The following ILKAP variants were observed in gnomAD, a reference collection of about 807,000 sequenced individuals.
The protein encoded by ILKAP is integrin-linked kinase-associated serine/threonine phosphatase 2C.
Under a neutral mutation model 49.1 loss-of-function variants are expected in ILKAP, and 11 were observed. The observed-to-expected ratio is 0.22, with a 90% CI of 0.14 to 0.37. The LOEUF (loss-of-function observed/expected upper bound fraction) is 0.37. Ranked by LOEUF, ILKAP falls within the 10% of genes least tolerant of loss-of-function variation. The probability of loss-of-function intolerance (pLI) is 1.00; values close to 1 mark genes in which losing one functional copy is unlikely to be tolerated. For synonymous variants in ILKAP, 186 were observed against 192.8 expected, an observed-to-expected ratio of 0.96 and a Z score of 0.29; for missense variants, 363 against 510.8, an observed-to-expected ratio of 0.71 and a Z score of 2.79.
At chr2:238,201,363 C>T (rs953597921) in intron 1 of ILKAP, among the ~76,000 whole-genome samples, 11 of 152,200 alleles carry the variant, frequency 7.2e-5, no homozygotes, top group African/African-American at 2.7e-4. Flanking sequence ...CAATCATCTA[C>T]AAATTCTGAG....
intron 7 of ILKAP, 59 bp downstream of exon 7, chr2:238,183,961 T>C (rs1693798584): frequency 8.8e-7 from 1 of 1,138,758 alleles, no homozygotes; most frequent in African/African-American, 1.5e-5. Flanking sequence ...AAGACTGAAA[T>C]GCATTTAGGA....
chr2:238,185,631 A>G (rs1693874123), intron 5 of ILKAP: 1 of 198,558 alleles, frequency 5.0e-6, no homozygotes, highest in African/African-American at 2.4e-5. Flanking sequence ...GTGAAACCCC[A>G]TCTCTACTAA....
chr2:238,196,479 A>G (rs1310448804), intron 1 of ILKAP, among the ~76,000 whole-genome samples: 1 of 152,138 alleles, frequency 6.6e-6, no homozygotes, highest in East Asian at 1.9e-4. Flanking sequence ...CACCCGCCTC[A>G]GCCTCCCAAA....
chr2:238,174,327 T>C (rs1346214030), intron 9 of ILKAP, among the ~76,000 whole-genome samples: 3 of 152,238 alleles, frequency 2.0e-5, no homozygotes, highest in Non-Finnish European at 2.9e-5. Context: ...GAAAAACCAT[T>C]TGGGGAAGCC....
intron 1 of ILKAP, among the ~76,000 whole-genome samples, chr2:238,202,201 AGAGT>A (rs1162783841): frequency 6.6e-6 from 1 of 152,218 alleles, no homozygotes; most frequent in Non-Finnish European, 1.5e-5. Context: ...CTGGGCGACA[AGAGT>A]GAGACTCCGT....
chr2:238,195,128 T>G (rs896224978), intron 1 of ILKAP, among the ~76,000 whole-genome samples: 1 of 152,218 alleles, frequency 6.6e-6, no homozygotes, highest in Non-Finnish European at 1.5e-5. Context: ...ACTGAATATT[T>G]TGAGGAAAAC....
At chr2:238,191,789 C>CAGCT (rs1200968554) in intron 3 of ILKAP, among the ~76,000 whole-genome samples, 1 of 151,944 alleles carries the variant, frequency 6.6e-6, no homozygotes, top group Non-Finnish European at 1.5e-5. Context: ...CCTGTAATCC[C>CAGCT]AGCTACTCGG....
intron 9 of ILKAP, among the ~76,000 whole-genome samples, chr2:238,177,746 C>T (rs191950024): frequency 2.9e-4 from 44 of 152,300 alleles, no homozygotes; most frequent in Non-Finnish European, 3.4e-4. Context: ...GTTGCTTCCC[C>T]CTTTTCCCCA....
intron 10 of ILKAP, 81 bp downstream of exon 10, chr2:238,173,453 A>G: frequency 6.4e-7 from 1 of 1,558,934 alleles, no homozygotes; most frequent in Non-Finnish European, 8.7e-7. Flanking sequence ...CCCTCCAACA[A>G]AGGCTTGATA....
chr2:238,194,393 TC>T, intron 2 of ILKAP, 62 bp from the exon 3 acceptor site: 2 of 1,512,858 alleles, frequency 1.3e-6, no homozygotes, highest in Admixed American at 3.4e-5. Flanking sequence ...AGTTTCAGAA[TC>T]CATCCCACCA....
intron 9 of ILKAP, among the ~76,000 whole-genome samples, chr2:238,176,480 T>C (rs1693462887): frequency 6.6e-6 from 1 of 152,200 alleles, no homozygotes; most frequent in African/African-American, 2.4e-5. Flanking sequence ...TGCCTGTCCC[T>C]TGGTACCAGC....
chr2:238,180,261 A>G (rs1271292544), intron 9 of ILKAP, among the ~76,000 whole-genome samples: 1 of 152,256 alleles, frequency 6.6e-6, no homozygotes, highest in Non-Finnish European at 1.5e-5. Flanking sequence ...TTTGAAACAA[A>G]GATACTTTGG....
Position 238,182,124 on chromosome 2 carries a change from C to T in ILKAP, c.777G>A (p.Glu259=). 2 of 1,613,918 alleles carry T rather than the reference C, an allele frequency of 1.2e-6. No homozygotes were observed. The change falls in exon 9 of 12, where the codon GAG becomes GAA. Residue 259 remains glutamate, a synonymous_variant. Coordinates refer to ENST00000254654, the MANE Select transcript of ILKAP (RefSeq NM_030768.3). The part of the protein sequence containing the change: ...QKHAALSLSK[E]HNPTQYEERM... ...GCTCTTCATACTGAGTTGGATTATG[C>T]TCTTTGCTGAGGCTTAAGGCTGCAT...
Position 238,203,508 on chromosome 2 carries a change from G to A in ILKAP, c.46C>T (p.Pro16Ser). 1 of 1,253,670 alleles carries A rather than the reference G, an allele frequency of 8.0e-7. No homozygotes were observed. Among genetic ancestry groups the A allele is most frequent in the South Asian group, 2.0e-5 (1 of 49,954 alleles). The allele number at this position is 1,253,670 out of a possible 1,614,324, so 77.7% of individuals were successfully genotyped here. Residue 16 changes from proline (P) to serine (S), a missense_variant, in exon 1 of 12, where the codon CCG becomes TCG. Pro to Ser is a moderately conservative substitution (Grantham distance 74, BLOSUM62 -1). Around this residue, in one of 3 missense-constraint regions of ILKAP, gnomAD observed 114 missense variants for 116.0 expected, o/e 0.98. Transcript: ENST00000254654. ...CGGCAACGCCGCTTACCGGCAGCCG[G>A]GCGCGGCGAGCGCTCGGGCTCCGGC... ...DLPEPERSPR[P>S]AAGKEAQKGP...
chr2:238,185,555 G>A, intron 5 of ILKAP: 1 of 311,210 alleles, frequency 3.2e-6, no homozygotes, highest in South Asian at 3.7e-5. Flanking sequence ...TGTAATCCCA[G>A]CGCTTTGGGA....
intron 1 of ILKAP, among the ~76,000 whole-genome samples, chr2:238,198,702 G>C (rs189547976): frequency 1.1e-4 from 17 of 152,146 alleles, no homozygotes; most frequent in African/African-American, 4.1e-4. Flanking sequence ...ATTAATCATA[G>C]TTAATCTCAT....
intron 1 of ILKAP, among the ~76,000 whole-genome samples, chr2:238,198,020 T>C (rs1023437713): frequency 3.9e-5 from 6 of 152,148 alleles, no homozygotes; most frequent in African/African-American, 1.4e-4. Context: ...CTATGCTGCC[T>C]CCATACATGG....
chr2:238,177,072 G>A (rs887486369), intron 9 of ILKAP, among the ~76,000 whole-genome samples: 4 of 152,166 alleles, frequency 2.6e-5, no homozygotes, highest in African/African-American at 9.7e-5. Context: ...TGCCTTCCTT[G>A]TAAAATAAAA....
intron 2 of ILKAP, 109 bp downstream of exon 2, chr2:238,194,695 TA>T: frequency 8.7e-7 from 1 of 1,150,094 alleles, no homozygotes; most frequent in Non-Finnish European, 1.3e-6. Flanking sequence ...GTCCAACACC[TA>T]AAACATCTGT....
Sources: gnomAD v4.1 joint callset for allele counts (sites outside exome capture counted in the v4.1 genomes callset) on GRCh38, gnomAD v4.1.1 for gene constraint, gnomAD v4.1.1 regional missense constraint, MANE v1.5 for transcripts, NCBI Gene and HGNC (gene_info 2026-07-23, HGNC 2026-07-21) for gene names.